Variants in LHFPL3 observed in about 807,000 individuals in gnomAD.
The protein encoded by LHFPL3 is LHFPL tetraspan subfamily member 3 protein.
LHFPL3 carries 5 observed loss-of-function variants against 19.3 expected under a neutral mutation model. The observed-to-expected ratio is 0.26, with a 90% CI of 0.14 to 0.54. The LOEUF is 0.54. Ranked by LOEUF, LHFPL3 falls within the 20% of genes least tolerant of loss-of-function variation. LHFPL3 has a pLI of 0.94. For missense variants in LHFPL3, 249 were observed against 307.4 expected, an observed-to-expected ratio of 0.81 and a Z score of 1.42; for synonymous variants, 133 against 126.2, an observed-to-expected ratio of 1.05 and a Z score of -0.36.
chr7:104,707,114 A>G (rs1793205306), intron 1 of LHFPL3, among the ~76,000 whole-genome samples: 1 of 152,190 alleles, frequency 6.6e-6, no homozygotes, highest in South Asian at 2.1e-4. Context: ...CATCTAAAGC[A>G]CCACCTCAAG....
At chr7:104,358,164 G>A (rs1790319943) in intron 1 of LHFPL3, among the ~76,000 whole-genome samples, 1 of 152,176 alleles carries the variant, frequency 6.6e-6, no homozygotes, top group Non-Finnish European at 1.5e-5. Flanking sequence ...TGGGGGAGTG[G>A]AGACTGACTG....
At chr7:104,687,098 T>C (rs1056869078) in intron 1 of LHFPL3, among the ~76,000 whole-genome samples, 2 of 152,190 alleles carry the variant, frequency 1.3e-5, no homozygotes, top group African/African-American at 4.8e-5. Flanking sequence ...AGACCATATA[T>C]AGCTATAAAT....
chr7:104,449,113 A>G (rs1292774793), intron 1 of LHFPL3, among the ~76,000 whole-genome samples: 1 of 152,218 alleles, frequency 6.6e-6, no homozygotes, highest in Non-Finnish European at 1.5e-5. Flanking sequence ...GCCAAGAAGT[A>G]GACTTCTGAA....
At chr7:104,668,701 G>A (rs1792410181) in intron 1 of LHFPL3, 1 of 1,608,584 alleles carries the variant, frequency 6.2e-7, no homozygotes. Context: ...GATGATTATA[G>A]GCGTGATGAT....
intron 1 of LHFPL3, among the ~76,000 whole-genome samples, chr7:104,427,505 A>G (rs1791870629): frequency 2.0e-5 from 3 of 152,202 alleles, no homozygotes. Context: ...AGCAGGGCTG[A>G]TAGGGTTTTT....
At chr7:104,607,911 A>G (rs1287833520) in intron 1 of LHFPL3, among the ~76,000 whole-genome samples, 1 of 152,162 alleles carries the variant, frequency 6.6e-6, no homozygotes, top group African/African-American at 2.4e-5. Flanking sequence ...CATCATCACT[A>G]ACCATCAGAG....
chr7:104,519,529 G>C (rs73713274), intron 1 of LHFPL3, among the ~76,000 whole-genome samples: 100 of 152,300 alleles, frequency 6.6e-4, no homozygotes, highest in African/African-American at 2.1e-3. Flanking sequence ...AGTTTAGGGA[G>C]GGAGAAGAAG....
chr7:104,354,980 ATC>A (rs1171139002), intron 1 of LHFPL3, among the ~76,000 whole-genome samples: 1 of 152,200 alleles, frequency 6.6e-6, no homozygotes, highest in Admixed American at 6.5e-5. Flanking sequence ...ATGAAAGCAA[ATC>A]TCAATTTGGA....
chr7:104,646,023 C>G (rs1280532693), intron 1 of LHFPL3, among the ~76,000 whole-genome samples: 2 of 152,150 alleles, frequency 1.3e-5, no homozygotes, highest in African/African-American at 4.8e-5. Context: ...GCTCTCCAGA[C>G]AATGAGGTGT....
intron 1 of LHFPL3, among the ~76,000 whole-genome samples, chr7:104,664,952 C>T (rs1312396573): frequency 6.6e-6 from 1 of 152,258 alleles, no homozygotes; most frequent in Non-Finnish European, 1.5e-5. Context: ...GACCTCTAGC[C>T]ATCTCTGCTG....
At chr7:104,687,448 T>C (rs1164145436) in intron 1 of LHFPL3, among the ~76,000 whole-genome samples, 2 of 152,148 alleles carry the variant, frequency 1.3e-5, no homozygotes, top group Non-Finnish European at 2.9e-5. Context: ...ATTTTCAGCC[T>C]CTCTCCCCTC....
At chr7:104,476,770 T>A (rs763856937) in intron 1 of LHFPL3, among the ~76,000 whole-genome samples, 1 of 151,268 alleles carries the variant, frequency 6.6e-6, no homozygotes, top group African/African-American at 2.5e-5. Context: ...AGCTTCCTGC[T>A]TTTTTTTATT....
intron 1 of LHFPL3, among the ~76,000 whole-genome samples, chr7:104,368,604 C>T (rs538139629): frequency 6.6e-5 from 10 of 151,918 alleles, no homozygotes; most frequent in South Asian, 2.1e-4. Context: ...CCCTGACTTT[C>T]GGCCTTAGCA....
At chr7:104,406,551 C>T (rs978924311) in intron 1 of LHFPL3, among the ~76,000 whole-genome samples, 1 of 152,110 alleles carries the variant, frequency 6.6e-6, no homozygotes, top group Non-Finnish European at 1.5e-5. Context: ...TTAACATGAC[C>T]ATAGTCATGT....
At chr7:104,379,406 A>G (rs1327295503) in intron 1 of LHFPL3, among the ~76,000 whole-genome samples, 1 of 152,196 alleles carries the variant, frequency 6.6e-6, no homozygotes, top group Non-Finnish European at 1.5e-5. Context: ...CTGCCTCTTC[A>G]TTTTTTGTGT....
chr7:104,391,786 T>G (rs1791074574), intron 1 of LHFPL3, among the ~76,000 whole-genome samples: 1 of 152,226 alleles, frequency 6.6e-6, no homozygotes, highest in Admixed American at 6.5e-5. Flanking sequence ...AGTATGAGCA[T>G]TTTCACAATA....
At chr7:104,731,399 T>G (rs1325616512) in intron 1 of LHFPL3, among the ~76,000 whole-genome samples, 1 of 152,236 alleles carries the variant, frequency 6.6e-6, no homozygotes, top group Admixed American at 6.5e-5. Context: ...TTAATTTCAC[T>G]GAGCAGTGGT....
At chr7:104,479,683 C>A (rs571268812) in intron 1 of LHFPL3, among the ~76,000 whole-genome samples, 7 of 152,290 alleles carry the variant, frequency 4.6e-5, no homozygotes, top group African/African-American at 1.4e-4. Context: ...TGAGCCACTA[C>A]GCCCGTCCTC....
intron 1 of LHFPL3, among the ~76,000 whole-genome samples, chr7:104,490,229 G>C (rs993613160): frequency 6.6e-6 from 1 of 151,994 alleles, no homozygotes; most frequent in Non-Finnish European, 1.5e-5. Context: ...TTCCTAATTA[G>C]TTTAATAAAT....
Sources: allele counts gnomAD v4.1 joint callset (sites outside exome capture counted in the v4.1 genomes callset), GRCh38; gene constraint gnomAD v4.1.1; transcripts MANE v1.5; gene names NCBI Gene and HGNC (gene_info 2026-07-23, HGNC 2026-07-21).